The following TNNT2 variants were observed in gnomAD, a reference collection of about 807,000 sequenced individuals.
TNNT2 encodes troponin T2, cardiac type.
TNNT2 carries 34 observed loss-of-function variants against 62.4 expected under a neutral mutation model. That is an observed-to-expected ratio of 0.54 (90% CI 0.41 to 0.72). TNNT2 has a LOEUF of 0.72. Among genes scored for constraint, TNNT2 ranks in the 30% least tolerant of loss-of-function variants. The probability of loss-of-function intolerance (pLI) is 0.00; values close to 1 mark genes in which losing one functional copy is unlikely to be tolerated. For synonymous variants in TNNT2, 123 were observed against 127.2 expected, an observed-to-expected ratio of 0.97 and a Z score of 0.22; for missense variants, 275 against 381.9, an observed-to-expected ratio of 0.72 and a Z score of 2.33.
At chr1:201,360,119 C>G (rs976093134) in intron 15 of TNNT2, among the ~76,000 whole-genome samples, 3 of 152,292 alleles carry the variant, frequency 2.0e-5, no homozygotes, top group Admixed American at 2.0e-4. Flanking sequence ...TTTGGCAAAT[C>G]TGTGTCCTGT....
intron 5 of TNNT2, chr1:201,369,392 A>AC (rs1368423719): frequency 1.3e-5 from 6 of 475,004 alleles, no homozygotes; most frequent in Admixed American, 4.7e-5. Context: ...CTGTCCCCAG[A>AC]CCCCCCAACC....
intron 10 of TNNT2, 28 bp from the exon 11 acceptor site, chr1:201,364,403 G>A (rs755957284): frequency 6.2e-6 from 10 of 1,608,142 alleles, no homozygotes; most frequent in Non-Finnish European, 8.5e-6. Context: ...AGCCCACCCA[G>A]GTGTGCATAG....
intron 14 of TNNT2, among the ~76,000 whole-genome samples, chr1:201,361,600 C>T (rs1486238315): frequency 6.6e-6 from 1 of 152,214 alleles, no homozygotes; most frequent in Non-Finnish European, 1.5e-5. Context: ...CAAGAACAAG[C>T]GGGGAGCAGG....
At chr1:201,361,013 G>A (rs1658522275) in intron 15 of TNNT2, 5 of 515,558 alleles carry the variant, frequency 9.7e-6, no homozygotes, top group Non-Finnish European at 1.8e-5. Flanking sequence ...CTGCCTCAAC[G>A]TGTTGGAGAC....
In TNNT2 at chr1:201,369,745, C is replaced by T. The variant is rs1241435530; in HGVS notation, c.97+71G>A. 6.3e-6 allele frequency: 10 copies of T among 1,599,584 alleles called. No homozygotes were observed. The East Asian group carries it at 1.6e-4, about 25-fold the overall frequency. ...ACACCCCCCAGCCCCCAGAACAGGG[C>T]CCCTGGACAAGGAGGCTGCACTTGG... is the stretch of plus-strand genomic sequence containing the variant. On this transcript the variant is annotated intron_variant, in intron 5 of 16. Coordinates refer to ENST00000656932, the MANE Select transcript of TNNT2 (RefSeq NM_001276345.2).
At chr1:201,366,745 C>T (rs1571637999) in intron 8 of TNNT2, 93 bp downstream of exon 8, 11 of 1,610,698 alleles carry the variant, frequency 6.8e-6, no homozygotes, top group East Asian at 2.2e-5. Flanking sequence ...ACCCCCAGCC[C>T]GTGTCCACTG....
At position 201,377,648 on chromosome 1, in the gene TNNT2, C is replaced by A. The variant is rs921078883; in HGVS notation, c.-40G>T. The A allele has an allele frequency of 1.8e-5, 8 of 456,154 alleles. No individual in the cohort carries two copies. Among genetic ancestry groups the A allele is most frequent in the Non-Finnish European group, 2.6e-5 (6 of 226,970 alleles). The allele number at this position is 456,154 out of a possible 1,614,324, so 28.3% of individuals were successfully genotyped here. On this transcript the variant is annotated 5_prime_UTR_variant, in exon 1 of 17. Coordinates refer to ENST00000656932, the MANE Select transcript of TNNT2 (RefSeq NM_001276345.2). ...CTCAGAACAGCAGCTGCCGACAGAT[C>A]CTGGAGGCGTCTGCTCAGTCTCAGC...
chr1:201,364,517 A>T, intron 10 of TNNT2, 142 bp from the exon 11 acceptor site: 1 of 867,522 alleles, frequency 1.2e-6, no homozygotes, highest in South Asian at 1.4e-5. Flanking sequence ...CCGGCCTCCA[A>T]GGGCCTCCAC....
At chr1:201,374,927 GAAT>G (rs1432296776) in intron 1 of TNNT2, 3 of 152,240 alleles carry the variant, frequency 2.0e-5, no homozygotes, top group African/African-American at 7.2e-5. Flanking sequence ...GGCGGGAGAA[GAAT>G]CCAAATGATG....
rs764804961 is a variant in TNNT2 at position 201,365,320 on chromosome 1, C to A, written c.295-13G>T. The A allele has an allele frequency of 6.2e-7, 1 of 1,608,230 alleles. No individual in the cohort carries two copies. ...TCCGGTGGATGTCCTGTGGGTGGAC[C>A]GCTGCGGCTCAGAGGCTGCCACTCC... On this transcript the variant is annotated splice_polypyrimidine_tract_variant and intron_variant, in intron 9 of 16. Coordinates refer to ENST00000656932, the MANE Select transcript of TNNT2 (RefSeq NM_001276345.2).
intron 5 of TNNT2, 45 bp from the exon 6 acceptor site, chr1:201,368,272 T>C (rs745633544): frequency 1.2e-5 from 19 of 1,600,728 alleles, no homozygotes; most frequent in Non-Finnish European, 1.6e-5. Context: ...GCCCCACTCA[T>C]GCTATCAGGC....
At position 201,369,560 on chromosome 1, in the gene TNNT2, G is replaced by C. The variant is rs138252592; in HGVS notation, c.97+256C>G. ...GCAGCTTGGGAGACCAGCTAGCCTTGGTCCCTCCCACCACCCAACCCAGGG... is the reference window on the plus strand; with the variant it reads ...GCAGCTTGGGAGACCAGCTAGCCTTCGTCCCTCCCACCACCCAACCCAGGG... On this transcript the variant is annotated intron_variant, in intron 5 of 16. Transcript: ENST00000656932. Among the ~76,000 whole-genome samples, 101 of 152,242 alleles carry C rather than the reference G, an allele frequency of 6.6e-4. 1 individual carries two copies. In the Middle Eastern group the frequency reaches 0.014, roughly 21 times the overall value.
intron 15 of TNNT2, 107 bp downstream of exon 15, chr1:201,361,172 G>T (rs1330303281): frequency 2.8e-6 from 3 of 1,066,506 alleles, no homozygotes; most frequent in Non-Finnish European, 4.4e-6. Context: ...GGGGGCTGTT[G>T]GGGAATAGGG....
At chr1:201,367,903 C>G in intron 6 of TNNT2, 97 bp from the exon 7 acceptor site, 1 of 1,428,498 alleles carries the variant, frequency 7.0e-7, no homozygotes, top group Non-Finnish European at 9.9e-7. Context: ...TAAGCCCTAG[C>G]CAAGATGCAC....
chr1:201,366,830 C>G lies in TNNT2; in HGVS notation c.233+8G>C, dbSNP rs1487009600. The G allele has an allele frequency of 6.2e-7, 1 of 1,614,108 alleles. No homozygotes were observed. Among genetic ancestry groups the G allele is most frequent in the South Asian group, 1.1e-5 (1 of 91,066 alleles). On this transcript the variant is annotated splice_region_variant and intron_variant, in intron 8 of 16. Transcript: ENST00000656932. The stretch of plus-strand genomic sequence containing the variant: ...CTCCCGGCTCTACCCAGGTGCCTCC[C>G]CACTCACCTGGGCTTTGGTTTGGAC...
rs397516459 is a variant in TNNT2, at chr1:201,365,281, C to A, written c.321G>T (p.Lys107Asn). The change falls in exon 10 of 17, where the codon AAG becomes AAT. Residue 107 changes from lysine (K) to asparagine (N), a missense_variant. Lys to Asn is a moderately conservative substitution (Grantham distance 94). Transcript: ENST00000656932. The part of the protein sequence containing the change: ...FDDIHRKRME[K>N]DLNELQALIE... Reference sequence around the variant, plus strand: ...TCAGCGCCTGCAACTCATTCAGGTCCTTCTCCATGCGCTTCCGGTGGATGT... The same window carrying A: ...TCAGCGCCTGCAACTCATTCAGGTCATTCTCCATGCGCTTCCGGTGGATGT... 1 of 1,614,208 alleles carries A rather than the reference C, an allele frequency of 6.2e-7. No individual in the cohort carries two copies. The highest frequency in any genetic ancestry group is 8.5e-7 in the Non-Finnish European group (1 of 1,180,018).
At chr1:201,365,740 C>A (rs1659551218) in intron 8 of TNNT2, 70 bp from the exon 9 acceptor site, 2 of 1,589,088 alleles carry the variant, frequency 1.3e-6, no homozygotes, top group Admixed American at 3.5e-5. Context: ...CCAGGACAGG[C>A]AGGGCCCTGA....
At chr1:201,367,239 T>C in intron 7 of TNNT2, 1 of 418,238 alleles carries the variant, frequency 2.4e-6, no homozygotes, top group Non-Finnish European at 4.5e-6. Context: ...TCCCAGGTCT[T>C]TGCCTTCTTT....
chr1:201,369,503 G>A (rs1660261057), intron 5 of TNNT2, among the ~76,000 whole-genome samples: 1 of 152,180 alleles, frequency 6.6e-6, no homozygotes, highest in Non-Finnish European at 1.5e-5. Flanking sequence ...CTGTCTTCCA[G>A]GTGCCAGGTC....
Sources: gnomAD v4.1 joint callset for allele counts (sites outside exome capture counted in the v4.1 genomes callset) on GRCh38, gnomAD v4.1.1 for gene constraint, MANE v1.5 for transcripts, NCBI Gene and HGNC (gene_info 2026-07-23, HGNC 2026-07-21) for gene names.